The following KAZN variants were observed in gnomAD, a reference collection of about 807,000 sequenced individuals.
The protein encoded by KAZN is kazrin.
In KAZN, 40 loss-of-function variants were observed where a neutral mutation model predicts 87.4. The ratio of observed to expected loss-of-function variants is 0.46; its 90% CI spans 0.36 to 0.60. The LOEUF (loss-of-function observed/expected upper bound fraction) is 0.60, where lower values mean the gene tolerates loss of function less well. KAZN is among the 20% of genes least tolerant of loss of function. The pLI is 0.00. For synonymous variants in KAZN, 466 were observed against 458.3 expected, an observed-to-expected ratio of 1.02 and a Z score of -0.22; for missense variants, 898 against 1,073.9, an observed-to-expected ratio of 0.84 and a Z score of 2.29.
rs115902708 is a variant in KAZN, at chr1:14,940,606, A to C, written c.227-20078A>C. 6.7e-3 allele frequency among the ~76,000 whole-genome samples: 1,019 copies of C among 152,342 alleles called. 13 individuals are homozygous for C. Among genetic ancestry groups the C allele is most frequent in the African/African-American group, 0.023 (956 of 41,576 alleles). On this transcript the variant is annotated intron_variant, in intron 1 of 14. Transcript: ENST00000376030. Reference sequence around the variant, plus strand: ...ACCAACCTTAGAGCTCTCGTCCCCTACTGGGAGCTCTTTGTGAGGGTGGAG... The same window carrying C: ...ACCAACCTTAGAGCTCTCGTCCCCTCCTGGGAGCTCTTTGTGAGGGTGGAG...
chr1:14,129,087 T>C (rs1425122419), intron 1 of KAZN, among the ~76,000 whole-genome samples: 1 of 152,202 alleles, frequency 6.6e-6, no homozygotes, highest in Non-Finnish European at 1.5e-5. Flanking sequence ...CTGATTTTTC[T>C]TTGTTTATCT....
intron 1 of KAZN, among the ~76,000 whole-genome samples, chr1:14,959,047 AGGG>A (rs1327589066): frequency 6.6e-6 from 1 of 152,250 alleles, no homozygotes; most frequent in African/African-American, 2.4e-5. Context: ...ACAGATCCAT[AGGG>A]CATGACAGGC....
chr1:14,246,235 C>T (rs1571129152), intron 2 of KAZN, among the ~76,000 whole-genome samples: 1 of 152,062 alleles, frequency 6.6e-6, no homozygotes, highest in South Asian at 2.1e-4. Flanking sequence ...GGGCTTAATA[C>T]CTGGGTGATA....
At chr1:14,396,502 T>C (rs906646062) in intron 2 of KAZN, among the ~76,000 whole-genome samples, 1 of 152,230 alleles carries the variant, frequency 6.6e-6, no homozygotes, top group Non-Finnish European at 1.5e-5. Flanking sequence ...GCATTGGCAA[T>C]GCCCACCCGT....
At chr1:14,877,000 T>A (rs1247575595) in intron 1 of KAZN, among the ~76,000 whole-genome samples, 2 of 152,204 alleles carry the variant, frequency 1.3e-5, no homozygotes, top group Non-Finnish European at 2.9e-5. Flanking sequence ...AATATATACA[T>A]ACATGTAGAG....
rs1427450338 is a variant in KAZN at position 14,462,333 on chromosome 1, G to A, written c.250-136650G>A. 2.6e-5 allele frequency among the ~76,000 whole-genome samples: 4 copies of A among 152,062 alleles called. No homozygotes were observed. In the East Asian group the frequency reaches 7.8e-4, roughly 30 times the overall value. ...TTTCCACCATACAAACCTGGGTCCT[G>A]GAAGCTTTCCTGTGCAGGAAGCAGA... On this transcript the variant is annotated intron_variant, in intron 2 of 16. Coordinates refer to the KAZN transcript ENST00000636203.
chr1:15,053,435 A>G (rs1275052280), intron 4 of KAZN, among the ~76,000 whole-genome samples: 1 of 152,200 alleles, frequency 6.6e-6, no homozygotes, highest in East Asian at 1.9e-4. Flanking sequence ...TGGGCCATCA[A>G]CACAACAAAG....
intron 2 of KAZN, among the ~76,000 whole-genome samples, chr1:15,014,790 C>T (rs1669912865): frequency 6.6e-6 from 1 of 152,184 alleles, no homozygotes; most frequent in African/African-American, 2.4e-5. Context: ...ATCTGCAATT[C>T]TAAAGGGATG....
rs933740748 is a variant in KAZN at position 15,104,304 on chromosome 1, G to C, written c.2048+115G>C. 27 of 1,082,238 alleles carry C rather than the reference G, an allele frequency of 2.5e-5. No homozygotes were observed. In the South Asian group the frequency reaches 3.9e-4, roughly 16 times the overall value. The allele number at this position is 1,082,238 out of a possible 1,614,324, so 67.0% of individuals were successfully genotyped here. A position where few individuals can be genotyped will look rare whatever the true frequency, so the allele number is the denominator to read the frequency against. ...GCCCATCACTTACTGCCTCCCACTCGTTCTTTGCACCATGGTGGTCACCTT... is the reference window on the plus strand; with the variant it reads ...GCCCATCACTTACTGCCTCCCACTCCTTCTTTGCACCATGGTGGTCACCTT... On this transcript the variant is annotated intron_variant, in intron 13 of 14. Transcript: ENST00000376030.
chr1:14,044,556 A>G lies in KAZN; in HGVS notation c.92-135879A>G, dbSNP rs141212453. On this transcript the variant is annotated intron_variant, in intron 1 of 16. Transcript: ENST00000636203. ...ATAAGTGCTAAGAAGAATGACTAGCATGTTGTAAGGACTCAATGAATGAAG... is the reference window on the plus strand; with the variant it reads ...ATAAGTGCTAAGAAGAATGACTAGCGTGTTGTAAGGACTCAATGAATGAAG... Among the ~76,000 whole-genome samples, 21 of 152,324 alleles carry G rather than the reference A, an allele frequency of 1.4e-4. No individual in the cohort carries two copies. In the East Asian group the frequency reaches 3.5e-3, roughly 25 times the overall value.
At chr1:15,031,392 A>T (rs958123844) in intron 2 of KAZN, among the ~76,000 whole-genome samples, 2 of 152,144 alleles carry the variant, frequency 1.3e-5, no homozygotes. Flanking sequence ...TATTCTCTCC[A>T]GGAAAAGGAC....
At chr1:14,264,807 A>C (rs1446030447) in intron 2 of KAZN, among the ~76,000 whole-genome samples, 1 of 152,180 alleles carries the variant, frequency 6.6e-6, no homozygotes. Flanking sequence ...CATCTCTCTG[A>C]CTCCAAACAA....
intron 1 of KAZN, among the ~76,000 whole-genome samples, chr1:14,738,170 A>C (rs1643969819): frequency 6.6e-6 from 1 of 152,120 alleles, no homozygotes. Context: ...ATAAATGACC[A>C]TTCTTGCTTC....
chr1:14,332,071 T>A (rs1656897344), intron 2 of KAZN, among the ~76,000 whole-genome samples: 1 of 152,190 alleles, frequency 6.6e-6, no homozygotes, highest in Non-Finnish European at 1.5e-5. Flanking sequence ...CTCCATCACA[T>A]TCTTCTTTTT....
chr1:14,204,359 A>G (rs1646697388), intron 2 of KAZN, among the ~76,000 whole-genome samples: 1 of 152,214 alleles, frequency 6.6e-6, no homozygotes, highest in Non-Finnish European at 1.5e-5. Context: ...TGAAAAAGAA[A>G]TCATGGAGCA....
At chr1:14,770,015 T>C (rs913241791) in intron 1 of KAZN, among the ~76,000 whole-genome samples, 9 of 152,048 alleles carry the variant, frequency 5.9e-5, no homozygotes, top group Non-Finnish European at 8.8e-5. Context: ...GAGCAGGATG[T>C]GCAAAGGTCC....
chr1:15,068,056 C>T lies in KAZN; in HGVS notation c.1222+2303C>T, dbSNP rs368096929. Reference sequence around the variant, plus strand: ...CGAATGAGTTATGGGTAACATTAGACGAAAATAACCTTTCCCGTGGGAAAG... The same window carrying T: ...CGAATGAGTTATGGGTAACATTAGATGAAAATAACCTTTCCCGTGGGAAAG... On this transcript the variant is annotated intron_variant, in intron 8 of 14. Coordinates refer to ENST00000376030, the MANE Select transcript of KAZN (RefSeq NM_201628.3). The T allele has an allele frequency of 1.4e-3, 1,144 of 810,540 alleles. 2 individuals are homozygous for T. Among genetic ancestry groups the T allele is most frequent in the South Asian group, 1.9e-3 (33 of 17,342 alleles). 50.2% of individuals were successfully genotyped at this position (810,540 alleles called of 1,614,324 possible).
At chr1:14,207,326 G>A (rs527430634) in intron 2 of KAZN, among the ~76,000 whole-genome samples, 1 of 152,220 alleles carries the variant, frequency 6.6e-6, no homozygotes, top group East Asian at 1.9e-4. Context: ...AAGGAAATGA[G>A]TACTTCTCAA....
chr1:14,569,220 C>A (rs1393977453), intron 2 of KAZN, among the ~76,000 whole-genome samples: 1 of 151,056 alleles, frequency 6.6e-6, no homozygotes, highest in African/African-American at 2.4e-5. Context: ...GGATATTATA[C>A]AACAGATTCA....
Sources: gnomAD v4.1 joint callset for allele counts (sites outside exome capture counted in the v4.1 genomes callset) on GRCh38, gnomAD v4.1.1 for gene constraint, MANE v1.5 for transcripts, NCBI Gene and HGNC (gene_info 2026-07-23, HGNC 2026-07-21) for gene names.